The following IARS1 variants were observed in gnomAD, a reference collection of about 807,000 sequenced individuals.
IARS1 encodes the protein isoleucine--tRNA ligase, cytoplasmic.
IARS1 carries 124 observed loss-of-function variants against 168.2 expected under a neutral mutation model. That is an observed-to-expected ratio of 0.74 (90% CI 0.64 to 0.86). IARS1 has a LOEUF of 0.86. Among genes scored for constraint, IARS1 ranks in the 40% least tolerant of loss-of-function variants. The pLI is 0.00. For missense variants in IARS1, 1,452 were observed against 1,515.8 expected (o/e 0.96, Z 0.70); for synonymous variants, 532 against 529.4 (o/e 1.00, Z -0.07).
At chr9:92,253,506 G>T in intron 20 of IARS1, 53 bp from the exon 21 acceptor site, 2 of 1,159,544 alleles carry the variant, frequency 1.7e-6, no homozygotes, top group Non-Finnish European at 2.6e-6. Flanking sequence ...GGCATCTGGG[G>T]TGGGGAGAGG....
At chr9:92,256,305 C>T (rs1830708479) in intron 20 of IARS1, 1 of 152,484 alleles carries the variant, frequency 6.6e-6, no homozygotes, top group Non-Finnish European at 1.5e-5. Flanking sequence ...TCCTGAATAG[C>T]TGGGATTACA....
intron 20 of IARS1, 122 bp downstream of exon 20, chr9:92,256,558 G>C: frequency 1.9e-6 from 2 of 1,043,502 alleles, no homozygotes; most frequent in Admixed American, 2.3e-5. Context: ...CTATATGAGA[G>C]GTAAAAGGAA....
In IARS1 at chr9:92,237,755, T is replaced by C. The variant is rs527426989; in HGVS notation, c.3283+3101A>G. 3.3e-5 allele frequency among the ~76,000 whole-genome samples: 5 copies of C among 152,362 alleles called. No homozygotes were observed. In the East Asian group the frequency reaches 9.6e-4, roughly 29 times the overall value. ...AAGTCTGTTTCATCTAATACAAACA[T>C]GACCATTCCTGCTTCTTTTGATTAA... On this transcript the variant is annotated intron_variant, in intron 30 of 33. Transcript: ENST00000443024.
At chr9:92,279,379 C>T (rs1341879344) in intron 7 of IARS1, among the ~76,000 whole-genome samples, 1 of 152,112 alleles carries the variant, frequency 6.6e-6, no homozygotes, top group East Asian at 1.9e-4. Context: ...GTCAAGCTCA[C>T]CACAGAATGG....
In IARS1 at chr9:92,256,743, T is replaced by G; in HGVS notation, c.2074A>C (p.Thr692Pro). Reference protein sequence around the residue: ...ENTVRESPNITDRWILSFMQS... With the variant: ...ENTVRESPNIPDRWILSFMQS... ...ATGAAGGACAGGATCCACCGGTCTG[T>G]AATGTTGGGGCTTTCTCTAACCGTG... The change falls in exon 20 of 34, where the codon ACA becomes CCA. Residue 692 changes from threonine (T) to proline (P), a missense_variant. Thr to Pro is a conservative substitution (Grantham distance 38, BLOSUM62 -1). Transcript: ENST00000443024. 1 of 1,613,916 alleles carries G rather than the reference T, an allele frequency of 6.2e-7. No homozygotes were observed. The highest frequency in any genetic ancestry group is 8.5e-7 in the Non-Finnish European group (1 of 1,179,794).
chr9:92,240,553 C>A, intron 30 of IARS1: 2 of 639,294 alleles, frequency 3.1e-6, no homozygotes, highest in Non-Finnish European at 2.8e-6. Flanking sequence ...AGCTACCATG[C>A]CTGGCCCTTT....
chr9:92,252,851 C>T (rs939690914), intron 21 of IARS1, among the ~76,000 whole-genome samples: 5 of 147,228 alleles, frequency 3.4e-5, no homozygotes, highest in Non-Finnish European at 7.4e-5. Flanking sequence ...AAAGAGACCT[C>T]GCTCTCTCTA....
intron 15 of IARS1, among the ~76,000 whole-genome samples, 177 bp from the exon 16 acceptor site, chr9:92,265,300 T>C (rs988208779): frequency 2.6e-5 from 4 of 152,238 alleles, no homozygotes; most frequent in Admixed American, 2.0e-4. Context: ...TGAAAGGTTA[T>C]GCACCATTCA....
At chr9:92,257,695 T>C (rs1009669580) in intron 19 of IARS1, among the ~76,000 whole-genome samples, 2 of 152,200 alleles carry the variant, frequency 1.3e-5, no homozygotes, top group African/African-American at 4.8e-5. Context: ...GCAGAAGTAA[T>C]TGACCTGCCT....
At chr9:92,287,657 G>T in intron 4 of IARS1, 134 bp downstream of exon 4, 1 of 909,440 alleles carries the variant, frequency 1.1e-6, no homozygotes, top group Non-Finnish European at 1.6e-6. Flanking sequence ...TAAGTAATAG[G>T]GTTGAAGGTG....
In IARS1 at chr9:92,221,175, T is replaced by C. The variant is rs533888841; in HGVS notation, c.3706+1345A>G. Among the ~76,000 whole-genome samples the C allele has an allele frequency of 2.8e-4, 43 of 151,870 alleles. 1 individual carries two copies. In the South Asian group the frequency reaches 6.2e-3, roughly 22 times the overall value. ...CCAAAATTATCCAGAATGTAGTATA[T>C]AAGGACAAAAGGAGGGAAAATAGGA... On this transcript the variant is annotated intron_variant, in intron 33 of 33. Transcript: ENST00000443024.
intron 14 of IARS1, among the ~76,000 whole-genome samples, chr9:92,266,283 A>G (rs1238816773): frequency 6.6e-6 from 1 of 152,238 alleles, no homozygotes; most frequent in Non-Finnish European, 1.5e-5. Context: ...ATTAATCTAG[A>G]ATCTTCCCAA....
Position 92,278,200 on chromosome 9 carries a change from T to A in IARS1, c.832A>T (p.Arg278Ter). Residue 278 changes from arginine to a stop codon, truncating the protein, a stop_gained and splice_region_variant, in exon 8 of 34, where the codon AGA (arginine) becomes TGA (stop). Transcript: ENST00000443024. LOFTEE classifies it high-confidence loss of function. ...CAGAGCAACTATTTGAATATTCACC[T>A]TTCAAGGATCTCATAGTCACTCTCC... is the stretch of plus-strand genomic sequence containing the variant. ...KLESDYEILE[R>*]FPGAYLKGKK... is the part of the protein sequence containing the mutation. 1 of 1,575,022 alleles carries A rather than the reference T, an allele frequency of 6.3e-7. No individual in the cohort carries two copies. The highest frequency in any genetic ancestry group is 1.1e-5 in the South Asian group (1 of 90,286).
At chr9:92,234,706 T>C (rs1225490997) in intron 30 of IARS1, among the ~76,000 whole-genome samples, 1 of 152,162 alleles carries the variant, frequency 6.6e-6, no homozygotes, top group Admixed American at 6.5e-5. Flanking sequence ...TCACTGAAGT[T>C]GCAAAGCAGT....
intron 10 of IARS1, among the ~76,000 whole-genome samples, chr9:92,273,340 A>C (rs1833356435): frequency 6.6e-6 from 1 of 152,134 alleles, no homozygotes; most frequent in African/African-American, 2.4e-5. Flanking sequence ...TTATTAAGGA[A>C]TTGCTGACTT....
At chr9:92,221,564 A>AC (rs938501586) in intron 33 of IARS1, among the ~76,000 whole-genome samples, 1 of 152,218 alleles carries the variant, frequency 6.6e-6, no homozygotes, top group African/African-American at 2.4e-5. Flanking sequence ...AACGAAACTC[A>AC]GAGGGTAGGG....
chr9:92,236,874 T>C (rs543113097), intron 30 of IARS1, among the ~76,000 whole-genome samples: 11 of 152,224 alleles, frequency 7.2e-5, no homozygotes, highest in Non-Finnish European at 1.0e-4. Flanking sequence ...GATTTATTCA[T>C]AGTATTTGCG....
intron 3 of IARS1, 48 bp from the exon 4 acceptor site, chr9:92,287,958 C>T: frequency 6.2e-7 from 1 of 1,605,792 alleles, no homozygotes; most frequent in African/African-American, 1.3e-5. Flanking sequence ...ATGAAAACAA[C>T]TGCAACTATG....
At chr9:92,241,507 A>G (rs1026420065) in intron 29 of IARS1, among the ~76,000 whole-genome samples, 1 of 152,052 alleles carries the variant, frequency 6.6e-6, no homozygotes, top group Non-Finnish European at 1.5e-5. Flanking sequence ...CACCATGCCC[A>G]GCTAATTTTC....
Sources: allele counts gnomAD v4.1 joint callset (sites outside exome capture counted in the v4.1 genomes callset), GRCh38; gene constraint gnomAD v4.1.1; transcripts MANE v1.5; gene names NCBI Gene and HGNC (gene_info 2026-07-23, HGNC 2026-07-21).